The following CPNE8 variants were observed in gnomAD, a reference collection of about 807,000 sequenced individuals.
The protein encoded by CPNE8 is copine-8.
A neutral mutation model predicts 81.5 loss-of-function variants in CPNE8; 45 were observed. The ratio of observed to expected loss-of-function variants is 0.55; its 90% CI spans 0.44 to 0.71. The LOEUF is 0.71. CPNE8 is among the 30% of genes least tolerant of loss of function. CPNE8 has a pLI of 0.00. For synonymous variants in CPNE8, 252 were observed against 226.3 expected (o/e 1.11, Z -1.02); for missense variants, 594 against 672.1 (o/e 0.88, Z 1.28).
At chr12:38,905,145 T>C (rs375016024) in intron 1 of CPNE8, among the ~76,000 whole-genome samples, 2 of 152,130 alleles carry the variant, frequency 1.3e-5, no homozygotes, top group East Asian at 3.9e-4. Context: ...GAAAACCGGC[T>C]TGTAAAGTGG....
chr12:38,771,620 T>C (rs1206002423), intron 7 of CPNE8, among the ~76,000 whole-genome samples: 1 of 152,196 alleles, frequency 6.6e-6, no homozygotes, highest in East Asian at 1.9e-4. Flanking sequence ...TACAAATAAA[T>C]ATTTGTATAA....
At chr12:38,822,386 C>T (rs759315427) in intron 6 of CPNE8, among the ~76,000 whole-genome samples, 11 of 152,068 alleles carry the variant, frequency 7.2e-5, no homozygotes, top group East Asian at 1.9e-4. Flanking sequence ...TGGTTTAACA[C>T]GGTCCTTTCC....
intron 6 of CPNE8, among the ~76,000 whole-genome samples, chr12:38,799,928 C>G (rs1418346984): frequency 1.3e-5 from 2 of 151,484 alleles, no homozygotes; most frequent in African/African-American, 2.4e-5. Context: ...CACTCCCACC[C>G]GAATATTGCG....
intron 10 of CPNE8, among the ~76,000 whole-genome samples, chr12:38,735,898 TATAAG>T (rs1430945054): frequency 5.9e-5 from 9 of 151,766 alleles, no homozygotes; most frequent in African/African-American, 2.2e-4. Flanking sequence ...AATTATTATA[TATAAG>T]ATATGTATCA....
At chr12:38,778,795 A>G (rs1234783612) in intron 6 of CPNE8, among the ~76,000 whole-genome samples, 6 of 152,218 alleles carry the variant, frequency 3.9e-5, no homozygotes, top group Middle Eastern at 3.2e-3. Flanking sequence ...TCTTGTAAGC[A>G]CAGAGTTAAA....
chr12:38,712,996 T>C (rs1204018299), intron 13 of CPNE8, among the ~76,000 whole-genome samples: 1 of 151,792 alleles, frequency 6.6e-6, no homozygotes, highest in Non-Finnish European at 1.5e-5. Context: ...TTATTGAGGG[T>C]TAACTACATG....
At chr12:38,886,962 C>A (rs924192422) in intron 1 of CPNE8, among the ~76,000 whole-genome samples, 2 of 152,140 alleles carry the variant, frequency 1.3e-5, no homozygotes, top group Non-Finnish European at 2.9e-5. Context: ...GAAATGACGA[C>A]ACCCAGGGAG....
rs185156880 is a variant in CPNE8 at position 38,731,099 on chromosome 12, G to T, written c.723-741C>A. 1.5e-3 allele frequency among the ~76,000 whole-genome samples: 222 copies of T among 152,020 alleles called. 1 individual carries two copies. The highest frequency in any genetic ancestry group is 5.1e-3 in the African/African-American group (210 of 41,544). ...GAGCAGACTCATATTCTACCCCTTTGAGTTAATTTAATGGCCAGTGCTAAG... is the reference window on the plus strand; with the variant it reads ...GAGCAGACTCATATTCTACCCCTTTTAGTTAATTTAATGGCCAGTGCTAAG... On this transcript the variant is annotated intron_variant, in intron 10 of 19. Transcript: ENST00000331366.
chr12:38,874,408 T>G, intron 2 of CPNE8, 63 bp downstream of exon 2: 107 of 1,196,280 alleles, frequency 8.9e-5, no homozygotes, highest in Non-Finnish European at 1.2e-4. Context: ...ACAAGAACTA[T>G]GAGTTTCCTA....
intron 1 of CPNE8, among the ~76,000 whole-genome samples, chr12:38,904,469 TG>T (rs758811847): frequency 0.05 from 6,764 of 134,156 alleles, 392 homozygotes; most frequent in East Asian, 0.25. Flanking sequence ...AGTTTTTTTT[TG>T]TTTTTTTTTT....
At chr12:38,860,928 C>T (rs1943822369) in intron 3 of CPNE8, among the ~76,000 whole-genome samples, 1 of 152,140 alleles carries the variant, frequency 6.6e-6, no homozygotes, top group African/African-American at 2.4e-5. Flanking sequence ...TGCTGTACAG[C>T]ATGGTGCCTA....
rs112193371 is a variant in CPNE8 at position 38,667,943 on chromosome 12, G to A, written c.1506+2786C>T. On this transcript the variant is annotated intron_variant, in intron 19 of 19. Coordinates refer to ENST00000331366, the MANE Select transcript of CPNE8 (RefSeq NM_153634.3). ...CTCCTGAGTAGCTGAGATTACAGGC[G>A]CCCGCCACCACACGCTGGTAATTTT... Among the ~76,000 whole-genome samples, 267 of 152,122 alleles carry A rather than the reference G, an allele frequency of 1.8e-3. 1 individual carries two copies. The highest frequency in any genetic ancestry group is 6.0e-3 in the African/African-American group (251 of 41,490).
chr12:38,690,404 T>C (rs2136667560), intron 15 of CPNE8, among the ~76,000 whole-genome samples: 1 of 152,296 alleles, frequency 6.6e-6, no homozygotes, highest in South Asian at 2.1e-4. Flanking sequence ...CAGAAGTGCT[T>C]TGAAAAAAAT....
At chr12:38,753,855 C>A (rs1238623040) in intron 10 of CPNE8, among the ~76,000 whole-genome samples, 1 of 152,058 alleles carries the variant, frequency 6.6e-6, no homozygotes, top group Non-Finnish European at 1.5e-5. Flanking sequence ...ACTTCAACGT[C>A]AGTATGTACG....
intron 12 of CPNE8, 106 bp downstream of exon 12, chr12:38,724,740 A>G (rs1034560217): frequency 6.7e-6 from 5 of 743,204 alleles, no homozygotes; most frequent in African/African-American, 1.8e-5. Context: ...TGAGTGAAAC[A>G]CAGCTCAGTT....
chr12:38,770,776 T>C (rs1941784749), intron 7 of CPNE8, among the ~76,000 whole-genome samples: 1 of 152,164 alleles, frequency 6.6e-6, no homozygotes, highest in East Asian at 1.9e-4. Context: ...GGAATTCTTA[T>C]CCTTGGGCTG....
In CPNE8 at chr12:38,834,978, C is replaced by T. The variant is rs1041680962; in HGVS notation, c.330+4938G>A. Among the ~76,000 whole-genome samples, 7 of 152,052 alleles carry T rather than the reference C, an allele frequency of 4.6e-5. 1 individual carries two copies. The South Asian group carries it at 1.5e-3, about 32-fold the overall frequency. On this transcript the variant is annotated intron_variant, in intron 5 of 19. Coordinates refer to ENST00000331366, the MANE Select transcript of CPNE8 (RefSeq NM_153634.3). ...GCAACCTCCGCCTCCCTGGTTCATC[C>T]CTGGTTCAAGCGATTCTCCTGCCTC...
At chr12:38,722,029 C>T (rs1393258421) in intron 13 of CPNE8, among the ~76,000 whole-genome samples, 1 of 152,142 alleles carries the variant, frequency 6.6e-6, no homozygotes, top group East Asian at 1.9e-4. Flanking sequence ...AAAAGTGCAG[C>T]CTGCTAGGCC....
intron 10 of CPNE8, among the ~76,000 whole-genome samples, chr12:38,733,608 T>C (rs1242416978): frequency 6.6e-6 from 1 of 151,986 alleles, no homozygotes; most frequent in Non-Finnish European, 1.5e-5. Flanking sequence ...TCTGACTGCA[T>C]TTACAAAATA....
Sources: allele counts gnomAD v4.1 joint callset (sites outside exome capture counted in the v4.1 genomes callset), GRCh38; gene constraint gnomAD v4.1.1; transcripts MANE v1.5; gene names NCBI Gene and HGNC (gene_info 2026-07-23, HGNC 2026-07-21).